PCED1B: variants seen among roughly 807,000 people sequenced by gnomAD.
PCED1B encodes PC-esterase domain-containing protein 1B.
For synonymous variants in PCED1B, 251 were observed against 246.1 expected, an observed-to-expected ratio of 1.02 and a Z score of -0.19; for missense variants, 573 against 573.9, an observed-to-expected ratio of 1.00 and a Z score of 0.02.
intron 2 of PCED1B, among the ~76,000 whole-genome samples, chr12:47,108,397 T>G (rs1005286443): frequency 6.6e-6 from 1 of 152,148 alleles, no homozygotes; most frequent in Non-Finnish European, 1.5e-5. Flanking sequence ...TGACTTCCTC[T>G]CCCAGAATCT....
At chr12:47,169,157 C>G (rs1382242252) in intron 2 of PCED1B, among the ~76,000 whole-genome samples, 1 of 152,126 alleles carries the variant, frequency 6.6e-6, no homozygotes, top group Non-Finnish European at 1.5e-5. Flanking sequence ...ACAGTTAACC[C>G]TGAGTATTTT....
intron 2 of PCED1B, among the ~76,000 whole-genome samples, chr12:47,131,610 A>G (rs890518996): frequency 6.6e-6 from 1 of 150,958 alleles, no homozygotes; most frequent in Non-Finnish European, 1.5e-5. Context: ...GGTTTTCTCC[A>G]TGGATCATTT....
At chr12:47,226,250 T>C (rs1943627618) in intron 3 of PCED1B, among the ~76,000 whole-genome samples, 9 of 152,246 alleles carry the variant, frequency 5.9e-5, no homozygotes, top group Admixed American at 5.9e-4. Context: ...CAATGATTGT[T>C]CATAAACCTC....
chr12:47,108,606 A>G (rs770199883), intron 2 of PCED1B, among the ~76,000 whole-genome samples: 49 of 152,082 alleles, frequency 3.2e-4, no homozygotes, highest in Non-Finnish European at 1.0e-4. Flanking sequence ...CTTTTCACAT[A>G]TTTATTGGCC....
At chr12:47,160,187 G>T (rs533596113) in intron 2 of PCED1B, among the ~76,000 whole-genome samples, 64 of 150,164 alleles carry the variant, frequency 4.3e-4, no homozygotes, top group Non-Finnish European at 8.1e-4. Context: ...CTCCAGCATT[G>T]TTCTTTTTGC....
rs1686597441 is a variant in PCED1B at position 47,236,184 on chromosome 12, TG to T, written c.1123del (p.Val375LeufsTer62). 6.2e-7 allele frequency: 1 copy of T among 1,614,064 alleles called. No homozygotes were observed. The highest frequency in any genetic ancestry group is 8.5e-7 in the Non-Finnish European group (1 of 1,180,044). ...HAGFFVEDNF[M>X]VGPQLPMPFF... ...GGTTTCTTCGTCGAAGACAATTTTA[TG>T]GTTGGTCCTCAGCTGCCTATGCCCT... On this transcript the variant is annotated frameshift_variant, in exon 4 of 4. Coordinates refer to ENST00000546455, the MANE Select transcript of PCED1B (RefSeq NM_138371.3). LOFTEE classifies it low-confidence loss of function (END_TRUNC).
chr12:47,083,676 C>G (rs1937848632), intron 1 of PCED1B, among the ~76,000 whole-genome samples: 1 of 152,158 alleles, frequency 6.6e-6, no homozygotes, highest in Non-Finnish European at 1.5e-5. Flanking sequence ...AACTCAGACT[C>G]CAGCTCCTGT....
chr12:47,187,629 TA>T (rs1942313095), intron 2 of PCED1B, among the ~76,000 whole-genome samples: 1 of 152,140 alleles, frequency 6.6e-6, no homozygotes, highest in African/African-American at 2.4e-5. Context: ...CTAAACATGC[TA>T]ATGAACTCAG....
chr12:47,115,567 C>T (rs1298712397), intron 2 of PCED1B, among the ~76,000 whole-genome samples: 1 of 152,114 alleles, frequency 6.6e-6, no homozygotes, highest in African/African-American at 2.4e-5. Context: ...TCTCCTTCCC[C>T]TCATCTTTTT....
chr12:47,097,489 G>T (rs569041891), intron 1 of PCED1B, among the ~76,000 whole-genome samples: 1 of 152,264 alleles, frequency 6.6e-6, no homozygotes, highest in Non-Finnish European at 1.5e-5. Context: ...TAGTCCTTCT[G>T]CTTAGTTTTT....
intron 2 of PCED1B, among the ~76,000 whole-genome samples, chr12:47,153,425 A>C (rs1183217389): frequency 6.6e-6 from 1 of 152,118 alleles, no homozygotes; most frequent in Non-Finnish European, 1.5e-5. Context: ...TACACAGTTT[A>C]AAATCATACA....
intron 1 of PCED1B, among the ~76,000 whole-genome samples, chr12:47,082,552 C>T (rs1389256808): frequency 3.9e-5 from 6 of 152,248 alleles, no homozygotes; most frequent in Non-Finnish European, 7.4e-5. Context: ...TCACTTGTGA[C>T]GGACAGAGTA....
At chr12:47,195,143 A>C (rs1192017373) in intron 2 of PCED1B, among the ~76,000 whole-genome samples, 1 of 152,108 alleles carries the variant, frequency 6.6e-6, no homozygotes, top group Non-Finnish European at 1.5e-5. Context: ...AGCCTGACCA[A>C]CAAGGCGAAA....
chr12:47,167,432 G>A (rs1941580068), intron 2 of PCED1B, among the ~76,000 whole-genome samples: 1 of 152,062 alleles, frequency 6.6e-6, no homozygotes. Context: ...TTCCTCAGAT[G>A]ATCACTCAAA....
intron 2 of PCED1B, among the ~76,000 whole-genome samples, chr12:47,207,065 G>A (rs1041119043): frequency 9.2e-5 from 14 of 152,174 alleles, no homozygotes; most frequent in Admixed American, 7.2e-4. Flanking sequence ...ACAATCAGAT[G>A]TTACCAAAAT....
At chr12:47,220,721 T>C (rs1252322392) in intron 3 of PCED1B, among the ~76,000 whole-genome samples, 1 of 152,104 alleles carries the variant, frequency 6.6e-6, no homozygotes. Flanking sequence ...CAGTTAATTA[T>C]AGAACAAAAC....
At chr12:47,083,288 C>T (rs1470840848) in intron 1 of PCED1B, among the ~76,000 whole-genome samples, 2 of 152,068 alleles carry the variant, frequency 1.3e-5, no homozygotes, top group Non-Finnish European at 2.9e-5. Flanking sequence ...CTCTACCACG[C>T]GTCCTGTAGT....
intron 2 of PCED1B, among the ~76,000 whole-genome samples, chr12:47,150,198 GT>G (rs1390710456): frequency 6.6e-6 from 1 of 152,156 alleles, no homozygotes; most frequent in Admixed American, 6.6e-5. Flanking sequence ...TACTAGAACA[GT>G]TCCAGGTACT....
chr12:47,125,363 C>G (rs576994185), intron 2 of PCED1B, among the ~76,000 whole-genome samples: 9 of 152,048 alleles, frequency 5.9e-5, no homozygotes, highest in Non-Finnish European at 8.8e-5. Context: ...CTATTCTGTT[C>G]TATTGATTTA....
Sources: gnomAD v4.1 joint callset for allele counts (sites outside exome capture counted in the v4.1 genomes callset) on GRCh38, gnomAD v4.1.1 for gene constraint, MANE v1.5 for transcripts, NCBI Gene and HGNC (gene_info 2026-07-23, HGNC 2026-07-21) for gene names.